Variants in STK32B observed in about 807,000 individuals in gnomAD.
The protein encoded by STK32B is serine/threonine kinase 32B.
A neutral mutation model predicts 52.6 loss-of-function variants in STK32B; 43 were observed. That is an observed-to-expected ratio of 0.82 (90% CI 0.64 to 1.05). The LOEUF (loss-of-function observed/expected upper bound fraction) is 1.05. Ranked by LOEUF, STK32B falls within the 50% of genes least tolerant of loss-of-function variation. The pLI is 0.00. For missense variants in STK32B, 621 were observed against 534.6 expected (o/e 1.16, Z -1.59); for synonymous variants, 238 against 204.3 (o/e 1.17, Z -1.41).
At chr4:5,159,523 TG>T (rs373650225) in intron 2 of STK32B, among the ~76,000 whole-genome samples, 44 of 135,016 alleles carry the variant, frequency 3.3e-4, no homozygotes, top group Middle Eastern at 3.7e-3. Context: ...TATGAATATA[TG>T]ATATATATGT....
At chr4:5,262,959 C>G (rs1176964310) in intron 3 of STK32B, among the ~76,000 whole-genome samples, 2 of 152,104 alleles carry the variant, frequency 1.3e-5, no homozygotes, top group African/African-American at 4.8e-5. Flanking sequence ...GAAGACTTAG[C>G]TCAGATATCA....
At chr4:5,339,908 A>G (rs751551170) in intron 4 of STK32B, among the ~76,000 whole-genome samples, 5 of 152,114 alleles carry the variant, frequency 3.3e-5, no homozygotes, top group Admixed American at 6.5e-5. Context: ...TGGCCTTGAA[A>G]TCTGATGTTC....
intron 3 of STK32B, among the ~76,000 whole-genome samples, chr4:5,290,825 T>G (rs1355759756): frequency 1.3e-5 from 2 of 152,168 alleles, no homozygotes; most frequent in African/African-American, 2.4e-5. Flanking sequence ...CTCTTGAAAT[T>G]GATCTGTAGA....
chr4:5,073,495 T>A lies in STK32B; in HGVS notation c.52+21580T>A, dbSNP rs11943557. Among the ~76,000 whole-genome samples the A allele has an allele frequency of 5.7e-3, 866 of 152,138 alleles. 8 individuals carry two copies. The highest frequency in any genetic ancestry group is 0.02 in the African/African-American group (834 of 41,556). On this transcript the variant is annotated intron_variant, in intron 1 of 11. Coordinates refer to ENST00000282908, the MANE Select transcript of STK32B (RefSeq NM_018401.3). Reference sequence around the variant, plus strand: ...AAACTCATGGTATGTGTTATTATTTTTTCTTTAAGTACCAGGTTTTTCTTT... The same window carrying A: ...AAACTCATGGTATGTGTTATTATTTATTCTTTAAGTACCAGGTTTTTCTTT...
chr4:5,402,054 A>T (rs560314357), intron 5 of STK32B, among the ~76,000 whole-genome samples: 1 of 152,338 alleles, frequency 6.6e-6, no homozygotes, highest in South Asian at 2.1e-4. Flanking sequence ...CTGCAAGTTC[A>T]TCTGCATGGT....
chr4:5,032,562 T>C, the STK32B span, among the ~76,000 whole-genome samples: 1 of 151,864 alleles, frequency 6.6e-6, no homozygotes, highest in African/African-American at 2.4e-5. Context: ...TCATGATTTC[T>C]GTTATAATGA....
In STK32B at chr4:5,389,201, C is replaced by T. The variant is rs192654487; in HGVS notation, c.435-9006C>T. Reference sequence around the variant, plus strand: ...AGTCACGGATCTCTAACTGGTATATCCTGGCTGTCCCACATACGGACTCCA... The same window carrying T: ...AGTCACGGATCTCTAACTGGTATATTCTGGCTGTCCCACATACGGACTCCA... On this transcript the variant is annotated intron_variant, in intron 4 of 11. Coordinates refer to ENST00000282908, the MANE Select transcript of STK32B (RefSeq NM_018401.3). 3.3e-5 allele frequency among the ~76,000 whole-genome samples: 5 copies of T among 152,158 alleles called. No homozygotes were observed. The East Asian group carries it at 9.6e-4, about 29-fold the overall frequency.
intron 3 of STK32B, among the ~76,000 whole-genome samples, chr4:5,221,323 G>A (rs1174635178): frequency 4.6e-5 from 7 of 152,110 alleles, no homozygotes; most frequent in African/African-American, 1.4e-4. Context: ...TAATGGGCAC[G>A]CATTCCTGAG....
intron 3 of STK32B, among the ~76,000 whole-genome samples, chr4:5,244,535 A>T (rs1452131863): frequency 6.6e-6 from 1 of 152,004 alleles, no homozygotes; most frequent in Non-Finnish European, 1.5e-5. Context: ...TAGCTCCTGG[A>T]TTCATTGATT....
At chr4:5,128,299 T>G (rs1240845234) in intron 1 of STK32B, among the ~76,000 whole-genome samples, 2 of 152,224 alleles carry the variant, frequency 1.3e-5, no homozygotes, top group African/African-American at 4.8e-5. Context: ...ACATTGGGAA[T>G]GCAGGAAGGA....
At chr4:5,335,865 C>T (rs145177660) in intron 4 of STK32B, among the ~76,000 whole-genome samples, 3 of 151,682 alleles carry the variant, frequency 2.0e-5, no homozygotes, top group Non-Finnish European at 4.4e-5. Flanking sequence ...AATTTCTATT[C>T]TTTTACATTT....
chr4:5,135,860 G>C (rs905919057), intron 1 of STK32B, among the ~76,000 whole-genome samples: 5 of 152,140 alleles, frequency 3.3e-5, no homozygotes, highest in Middle Eastern at 3.2e-3. Context: ...TCATTGATTA[G>C]ATCTGGATCA....
intron 3 of STK32B, among the ~76,000 whole-genome samples, chr4:5,268,129 G>T (rs1031297635): frequency 1.3e-5 from 2 of 152,176 alleles, no homozygotes; most frequent in African/African-American, 4.8e-5. Context: ...GAGGTTTGTT[G>T]AGCATCATTT....
At chr4:5,341,661 G>T (rs1429315354) in intron 4 of STK32B, among the ~76,000 whole-genome samples, 1 of 152,130 alleles carries the variant, frequency 6.6e-6, no homozygotes, top group African/African-American at 2.4e-5. Flanking sequence ...ATAAAGAAAA[G>T]AAGTTTATAA....
chr4:5,127,580 T>C (rs1464545690), intron 1 of STK32B, among the ~76,000 whole-genome samples: 1 of 151,950 alleles, frequency 6.6e-6, no homozygotes, highest in Non-Finnish European at 1.5e-5. Context: ...GGTCTTTGTA[T>C]ATGTAAGTAG....
At chr4:5,289,147 C>G (rs984012798) in intron 3 of STK32B, among the ~76,000 whole-genome samples, 2 of 152,178 alleles carry the variant, frequency 1.3e-5, no homozygotes, top group African/African-American at 4.8e-5. Context: ...TAACCTATTA[C>G]TTCTAGGTTA....
intron 1 of STK32B, among the ~76,000 whole-genome samples, chr4:5,109,586 C>T (rs1714283631): frequency 6.6e-6 from 1 of 152,144 alleles, no homozygotes; most frequent in African/African-American, 2.4e-5. Flanking sequence ...AGCAGTCCTC[C>T]ATGATAAGAG....
intron 3 of STK32B, among the ~76,000 whole-genome samples, chr4:5,313,631 C>T (rs1264379168): frequency 6.6e-6 from 1 of 152,048 alleles, no homozygotes; most frequent in African/African-American, 2.4e-5. Flanking sequence ...ATTAAAATAT[C>T]CTGGAACTAA....
At chr4:5,353,413 CT>C (rs1308587646) in intron 4 of STK32B, among the ~76,000 whole-genome samples, 3 of 147,366 alleles carry the variant, frequency 2.0e-5, no homozygotes, top group African/African-American at 8.1e-5. Context: ...CTATATTAAA[CT>C]AAAAAGCTTC....
Sources: gnomAD v4.1 joint callset for allele counts (sites outside exome capture counted in the v4.1 genomes callset) on GRCh38, gnomAD v4.1.1 for gene constraint, MANE v1.5 for transcripts, NCBI Gene and HGNC (gene_info 2026-07-23, HGNC 2026-07-21) for gene names.